Variants in ZNF710 observed in about 807,000 individuals in gnomAD.
The protein encoded by ZNF710 is zinc finger protein 710.
A neutral mutation model predicts 50.6 loss-of-function variants in ZNF710; 13 were observed. The observed-to-expected ratio is 0.26, with a 90% CI of 0.17 to 0.41. The LOEUF is 0.41. ZNF710 is among the 10% of genes least tolerant of loss of function. The pLI is 1.00. For synonymous variants in ZNF710, 383 were observed against 397.0 expected (o/e 0.96, Z 0.42); for missense variants, 721 against 936.6 (o/e 0.77, Z 3.01).
chr15:90,067,984 T>C lies in ZNF710; in HGVS notation c.847T>C (p.Ser283Pro). ...RLDINVQIDD[S>P]YLVEAGDRQK... ...GGACATCAACGTGCAGATTGACGACTCCTATCTGGTGGAGGCGGGCGACCG... is the reference window on the plus strand; with the variant it reads ...GGACATCAACGTGCAGATTGACGACCCCTATCTGGTGGAGGCGGGCGACCG... The change falls in exon 2 of 5, where the codon TCC becomes CCC. Residue 283 changes from serine to proline, a missense_variant. Physicochemically the swap from Ser to Pro is moderately conservative, Grantham distance 74. This residue lies in a region of ZNF710 where 326 missense variants were observed against 522.0 expected (regional missense o/e 0.62). Coordinates refer to ENST00000268154, the MANE Select transcript of ZNF710 (RefSeq NM_198526.4). The surrounding 1 kb of genome is among the most constrained non-coding windows in gnomAD (Gnocchi z 8.1). 1 of 1,614,186 alleles carries C rather than the reference T, an allele frequency of 6.2e-7. No homozygotes were observed. Among genetic ancestry groups the C allele is most frequent in the Non-Finnish European group, 8.5e-7 (1 of 1,180,038 alleles).
intron 4 of ZNF710, among the ~76,000 whole-genome samples, chr15:90,078,161 A>C (rs1900637967): frequency 6.6e-6 from 1 of 150,992 alleles, no homozygotes; most frequent in South Asian, 2.1e-4. Flanking sequence ...TGATGAGCCA[A>C]GATTGCACCA....
intron 1 of ZNF710, among the ~76,000 whole-genome samples, chr15:90,055,620 G>A (rs1015041366): frequency 6.6e-6 from 1 of 152,234 alleles, no homozygotes; most frequent in Non-Finnish European, 1.5e-5. Context: ...GCATGCTAGG[G>A]CAAGGGACAG....
At chr15:90,000,372 G>A (rs1381212341), upstream of ZNF710, among the ~76,000 whole-genome samples, 1 of 152,160 alleles carries the variant, frequency 6.6e-6, no homozygotes, top group Non-Finnish European at 1.5e-5. Context: ...CGGAGCTGGA[G>A]GGCGGCGAGG....
At chr15:90,072,407 T>C (rs1287418610) in intron 2 of ZNF710, among the ~76,000 whole-genome samples, 1 of 152,084 alleles carries the variant, frequency 6.6e-6, no homozygotes, top group Non-Finnish European at 1.5e-5. Context: ...GAACTACAGG[T>C]GGCTGTTATC....
In ZNF710 at chr15:90,008,426, G is replaced by GTA. The variant is rs145370535; in HGVS notation, c.-29+6825_-29+6826dup. On this transcript the variant is annotated intron_variant, in intron 1 of 4. Transcript: ENST00000268154. ...ATAGTATACGTGTGTGTGTGTGTGTGTATATATATATATACATATATATAT... is the reference window on the plus strand; with the variant it reads ...ATAGTATACGTGTGTGTGTGTGTGTGTATATATATATATATACATATATATAT... Among the ~76,000 whole-genome samples, 187 of 124,238 alleles carry GTA rather than the reference G, an allele frequency of 1.5e-3. 1 individual carries two copies. Among genetic ancestry groups the GTA allele is most frequent in the Middle Eastern group, 3.7e-3 (1 of 270 alleles). 81.5% of individuals were successfully genotyped at this position (124,238 alleles called of 152,430 possible).
At chr15:90,037,934 GA>G (rs1432849659) in intron 1 of ZNF710, among the ~76,000 whole-genome samples, 1 of 152,226 alleles carries the variant, frequency 6.6e-6, no homozygotes, top group African/African-American at 2.4e-5. Context: ...CCTTGATGAG[GA>G]GGTGAAGAGG....
chr15:90,049,187 T>C (rs1899561045), intron 1 of ZNF710, among the ~76,000 whole-genome samples: 1 of 152,210 alleles, frequency 6.6e-6, no homozygotes, highest in African/African-American at 2.4e-5. Flanking sequence ...CATTACCTTA[T>C]TGAATCTTCT....
intron 1 of ZNF710, among the ~76,000 whole-genome samples, chr15:90,042,475 A>C (rs1244662353): frequency 2.6e-5 from 4 of 151,978 alleles, no homozygotes; most frequent in Non-Finnish European, 2.9e-5. Flanking sequence ...TCAGTAGATG[A>C]GTAAGGTTGA....
chr15:90,078,769 G>A (rs2151542272), intron 4 of ZNF710, among the ~76,000 whole-genome samples: 1 of 152,212 alleles, frequency 6.6e-6, no homozygotes, highest in South Asian at 2.1e-4. Flanking sequence ...GTCTGCCTTA[G>A]ACCTGTCAGG....
chr15:90,007,045 T>C (rs899022381), intron 1 of ZNF710, among the ~76,000 whole-genome samples: 5 of 152,154 alleles, frequency 3.3e-5, no homozygotes, highest in Admixed American at 2.6e-4. Context: ...CTCTAGTCCA[T>C]GCTCTGGTCT....
At chr15:90,037,765 T>C (rs1420841933) in intron 1 of ZNF710, among the ~76,000 whole-genome samples, 1 of 152,218 alleles carries the variant, frequency 6.6e-6, no homozygotes, top group Non-Finnish European at 1.5e-5. Context: ...TGCCAGAATC[T>C]GTGCTTAAAG....
intron 1 of ZNF710, among the ~76,000 whole-genome samples, chr15:90,011,038 C>A (rs896623317): frequency 6.9e-6 from 1 of 144,256 alleles, no homozygotes; most frequent in African/African-American, 2.6e-5. Flanking sequence ...TCAAGTAATT[C>A]TCCTGCCTCA....
intron 1 of ZNF710, among the ~76,000 whole-genome samples, chr15:90,039,430 C>G (rs1899232890): frequency 6.6e-6 from 1 of 152,190 alleles, no homozygotes; most frequent in African/African-American, 2.4e-5. Context: ...GACCAGATCC[C>G]TGCCTTGTGA....
At chr15:90,072,345 C>A (rs976854045) in intron 2 of ZNF710, among the ~76,000 whole-genome samples, 8 of 152,170 alleles carry the variant, frequency 5.3e-5, no homozygotes, top group African/African-American at 1.9e-4. Flanking sequence ...CATCCCAGGC[C>A]CCATGAATTA....
At chr15:90,007,974 A>G (rs974124522) in intron 1 of ZNF710, among the ~76,000 whole-genome samples, 1 of 152,160 alleles carries the variant, frequency 6.6e-6, no homozygotes, top group Non-Finnish European at 1.5e-5. Flanking sequence ...GAAAGTAATT[A>G]GAAAACAAAA....
At chr15:89,998,649 T>A (rs112267830), upstream of ZNF710, among the ~76,000 whole-genome samples, 2,246 of 152,256 alleles carry the variant, frequency 0.015, 24 homozygotes, top group Non-Finnish European at 0.023. Context: ...GTAGTAATAG[T>A]AAATAAAAGC....
chr15:90,075,519 C>T (rs183755281), intron 4 of ZNF710: 3 of 152,144 alleles, frequency 2.0e-5, no homozygotes, highest in Non-Finnish European at 2.9e-5. Flanking sequence ...AAGACCCTAT[C>T]GCCAAATTAT....
At chr15:90,017,332 T>A (rs543346942) in intron 1 of ZNF710, among the ~76,000 whole-genome samples, 9 of 152,320 alleles carry the variant, frequency 5.9e-5, no homozygotes, top group Admixed American at 2.6e-4. Flanking sequence ...TGAGAAATGC[T>A]GTATGGAGAA....
At chr15:90,005,587 T>C (rs2151457098) in intron 1 of ZNF710, among the ~76,000 whole-genome samples, 1 of 152,328 alleles carries the variant, frequency 6.6e-6, no homozygotes, top group East Asian at 1.9e-4. Flanking sequence ...TAGCTGGGAC[T>C]ACAGGCATGC....
Sources: allele counts gnomAD v4.1 joint callset (sites outside exome capture counted in the v4.1 genomes callset), GRCh38; gene constraint gnomAD v4.1.1; regional missense constraint gnomAD v4.1.1; non-coding constraint Gnocchi (gnomAD v3.1); transcripts MANE v1.5; gene names NCBI Gene and HGNC (gene_info 2026-07-23, HGNC 2026-07-21).